The following C1QTNF3 variants were observed in gnomAD, a reference collection of about 807,000 sequenced individuals.
C1QTNF3 encodes the protein C1q and TNF related 3, also known as complement C1q tumor necrosis factor-related protein 3.
In C1QTNF3, 26 loss-of-function variants were observed where a neutral mutation model predicts 32.6. That is an observed-to-expected ratio of 0.80 (90% CI 0.58 to 1.11). C1QTNF3 has a LOEUF of 1.11. Among genes scored for constraint, C1QTNF3 ranks in the 50% least tolerant of loss-of-function variants. C1QTNF3 has a pLI of 0.00. For synonymous variants in C1QTNF3, 155 were observed against 146.0 expected, an observed-to-expected ratio of 1.06 and a Z score of -0.44; for missense variants, 362 against 398.2, an observed-to-expected ratio of 0.91 and a Z score of 0.77.
chr5:34,046,804 A>G (rs1445466978), upstream of C1QTNF3, among the ~76,000 whole-genome samples: 2 of 152,232 alleles, frequency 1.3e-5, no homozygotes, highest in Non-Finnish European at 2.9e-5. Context: ...CACATGTACT[A>G]TCTTGTACAC....
At chr5:34,178,317 G>C in the C1QTNF3 span, among the ~76,000 whole-genome samples, 1 of 152,138 alleles carries the variant, frequency 6.6e-6, no homozygotes, top group African/African-American at 2.4e-5. Context: ...CCTTTTCAAA[G>C]AGAATGAACA....
At chr5:34,110,600 G>A in the C1QTNF3 span, among the ~76,000 whole-genome samples, 2 of 151,936 alleles carry the variant, frequency 1.3e-5, no homozygotes, top group African/African-American at 2.4e-5. Flanking sequence ...GAATGACCAC[G>A]CAGTCACTGC....
At chr5:34,094,088 C>T in the C1QTNF3 span, among the ~76,000 whole-genome samples, 2 of 152,154 alleles carry the variant, frequency 1.3e-5, no homozygotes, top group Non-Finnish European at 2.9e-5. Context: ...TCCACTAAGG[C>T]CCTTAAATAT....
chr5:34,042,815 C>G lies in C1QTNF3; in HGVS notation c.303+8G>C. 6.2e-7 allele frequency: 1 copy of G among 1,606,424 alleles called. No homozygotes were observed. The highest frequency in any genetic ancestry group is 8.5e-7 in the Non-Finnish European group (1 of 1,175,858). On this transcript the variant is annotated splice_region_variant and intron_variant, in intron 1 of 5. Coordinates refer to ENST00000382065, the MANE Select transcript of C1QTNF3 (RefSeq NM_181435.6). Reference sequence around the variant, plus strand: ...TCACAAAAATCCTTAGAAGAGAATTCTGAGTACCTGGCCCCAGAATGTGGT... The same window carrying G: ...TCACAAAAATCCTTAGAAGAGAATTGTGAGTACCTGGCCCCAGAATGTGGT...
intron 4 of C1QTNF3, 88 bp downstream of exon 4, chr5:34,028,666 G>A (rs1000848952): frequency 4.8e-5 from 53 of 1,102,832 alleles, no homozygotes; most frequent in Admixed American, 4.8e-4. Context: ...CCCTTTCTCC[G>A]TCCCTCCCTC....
chr5:34,043,392 C>T, upstream of C1QTNF3: 1 of 468,558 alleles, frequency 2.1e-6, no homozygotes, highest in Non-Finnish European at 3.8e-6. Context: ...TCATAAATGT[C>T]ACACCTTGGC....
the C1QTNF3 span, among the ~76,000 whole-genome samples, chr5:34,146,867 T>C: frequency 6.6e-6 from 1 of 152,170 alleles, no homozygotes; most frequent in Non-Finnish European, 1.5e-5. Flanking sequence ...ATTTACAAAG[T>C]AGACAACCTA....
At chr5:34,091,256 A>G in the C1QTNF3 span, among the ~76,000 whole-genome samples, 1 of 152,286 alleles carries the variant, frequency 6.6e-6, no homozygotes, top group Non-Finnish European at 1.5e-5. Flanking sequence ...GAGTCTGTAG[A>G]GCGGCCCCAC....
the C1QTNF3 span, among the ~76,000 whole-genome samples, chr5:34,185,134 G>A: frequency 6.6e-6 from 1 of 152,396 alleles, no homozygotes; most frequent in African/African-American, 2.4e-5. Flanking sequence ...ATCATTTGAG[G>A]TCTGGAGTTC....
At chr5:34,102,936 C>T in the C1QTNF3 span, among the ~76,000 whole-genome samples, 2 of 149,858 alleles carry the variant, frequency 1.3e-5, no homozygotes. Context: ...ACATATGTAA[C>T]AAACCTGCAC....
intron 1 of C1QTNF3, among the ~76,000 whole-genome samples, chr5:34,038,567 T>C (rs1754795631): frequency 6.6e-6 from 1 of 152,170 alleles, no homozygotes; most frequent in Non-Finnish European, 1.5e-5. Flanking sequence ...GGAATTTCTT[T>C]ATTTGACTAA....
At chr5:34,224,674 C>T in the C1QTNF3 span, among the ~76,000 whole-genome samples, 2 of 152,040 alleles carry the variant, frequency 1.3e-5, no homozygotes, top group East Asian at 1.9e-4. Flanking sequence ...AAGACTTAAA[C>T]GCTAGACTTA....
the C1QTNF3 span, among the ~76,000 whole-genome samples, chr5:34,105,018 CTCTA>C: frequency 1.3e-4 from 20 of 151,406 alleles, no homozygotes; most frequent in South Asian, 4.1e-4. Context: ...AGAATTACAT[CTCTA>C]TCTTTTTCCT....
At chr5:34,054,772 T>G in the C1QTNF3 span, among the ~76,000 whole-genome samples, 1 of 152,296 alleles carries the variant, frequency 6.6e-6, no homozygotes, top group East Asian at 1.9e-4. Context: ...TTTACCTTCC[T>G]GTCTGTCTCC....
chr5:34,127,691 G>A, the C1QTNF3 span, among the ~76,000 whole-genome samples: 36 of 151,590 alleles, frequency 2.4e-4, no homozygotes, highest in Non-Finnish European at 4.7e-4. Flanking sequence ...AGGTTCAAGC[G>A]ATTCTCCTGC....
chr5:34,222,513 C>T, the C1QTNF3 span, among the ~76,000 whole-genome samples: 2 of 151,782 alleles, frequency 1.3e-5, no homozygotes, highest in Admixed American at 6.6e-5. Flanking sequence ...ATATCCTGCA[C>T]TGATCATTTT....
At chr5:34,242,096 A>G in the C1QTNF3 span, among the ~76,000 whole-genome samples, 1 of 152,210 alleles carries the variant, frequency 6.6e-6, no homozygotes, top group Non-Finnish European at 1.5e-5. Context: ...TGCCCAAAGC[A>G]ATTTGTAGAT....
At chr5:34,137,137 AAAGTAT>A in the C1QTNF3 span, among the ~76,000 whole-genome samples, 1 of 120,580 alleles carries the variant, frequency 8.3e-6, no homozygotes, top group Non-Finnish European at 1.9e-5. Flanking sequence ...CCTAGAACTT[AAAGTAT>A]AATTAAAAAA....
chr5:34,084,869 T>C, the C1QTNF3 span, among the ~76,000 whole-genome samples: 1 of 148,072 alleles, frequency 6.8e-6, no homozygotes, highest in African/African-American at 2.6e-5. Context: ...ATTTTGGCTT[T>C]TGTTGCCATT....
Sources: allele counts gnomAD v4.1 joint callset (sites outside exome capture counted in the v4.1 genomes callset), GRCh38; gene constraint gnomAD v4.1.1; transcripts MANE v1.5; gene names NCBI Gene and HGNC (gene_info 2026-07-23, HGNC 2026-07-21).